Variants in ADCY7 observed in about 807,000 individuals in gnomAD.
ADCY7 encodes adenylate cyclase type 7.
ADCY7 carries 72 observed loss-of-function variants against 120.6 expected under a neutral mutation model. That is an observed-to-expected ratio of 0.60 (90% confidence interval 0.49 to 0.73). ADCY7 has a LOEUF of 0.73. Ranked by LOEUF, ADCY7 falls within the 30% of genes least tolerant of loss-of-function variation. The pLI is 0.00. For synonymous variants in ADCY7, 661 were observed against 628.0 expected (o/e 1.05, Z -0.78); for missense variants, 1,227 against 1,486.0 (o/e 0.83, Z 2.87).
At chr16:50,281,100 C>G (rs2034232787) in intron 1 of ADCY7, among the ~76,000 whole-genome samples, 1 of 152,178 alleles carries the variant, frequency 6.6e-6, no homozygotes, top group African/African-American at 2.4e-5. Context: ...CTGCACCTGC[C>G]TCTCCCTGGA....
chr16:50,313,083 G>A, intron 22 of ADCY7, 47 bp downstream of exon 22: 1 of 1,608,852 alleles, frequency 6.2e-7, no homozygotes, highest in African/African-American at 1.3e-5. Flanking sequence ...ACCCATGCTG[G>A]AGAGGGAAGG....
chr16:50,269,482 C>T (rs1040784318), intron 1 of ADCY7, among the ~76,000 whole-genome samples: 5 of 152,198 alleles, frequency 3.3e-5, no homozygotes, highest in East Asian at 1.9e-4. Flanking sequence ...GGGCCCACTG[C>T]GGGAGAGAAG....
rs1734048001 is a variant in ADCY7 at position 50,310,671 on chromosome 16, C to T, written c.2161-16C>T. ...GGTGGGGTGGCCCTGTCCTGAGTGA[C>T]ACCCTGCCCCCTCAGTACTACACCT... On this transcript the variant is annotated splice_polypyrimidine_tract_variant and intron_variant, in intron 18 of 25. Coordinates refer to ENST00000673801, the MANE Select transcript of ADCY7 (RefSeq NM_001114.5). 6.2e-7 allele frequency: 1 copy of T among 1,612,076 alleles called. No individual in the cohort carries two copies. The highest frequency in any genetic ancestry group is 1.3e-5 in the African/African-American group (1 of 74,968).
intron 1 of ADCY7, among the ~76,000 whole-genome samples, chr16:50,283,630 G>C (rs1469105019): frequency 6.6e-6 from 1 of 152,228 alleles, no homozygotes; most frequent in Non-Finnish European, 1.5e-5. Flanking sequence ...TCCCCACAGG[G>C]GAGTCCCCTC....
rs1445153282 is a variant in ADCY7 at position 50,308,761 on chromosome 16, G to T, written c.2030G>T (p.Gly677Val). ...LRLTLAVLTI[G>V]SLLTVAIINL... The stretch of plus-strand genomic sequence containing the variant: ...CTGACCCTGGCCGTCCTGACCATCG[G>T]CAGCCTGCTCACTGTGGCCATCATC... Residue 677 changes from glycine to valine, a missense_variant, in exon 17 of 26, where the codon GGC becomes GTC. Transcript: ENST00000673801. 6.2e-7 allele frequency: 1 copy of T among 1,612,322 alleles called. No individual in the cohort carries two copies. Among genetic ancestry groups the T allele is most frequent in the Non-Finnish European group, 8.5e-7 (1 of 1,179,756 alleles).
Position 50,288,062 on chromosome 16 carries a change from C to T in ADCY7, c.-118C>T. On this transcript the variant is annotated 5_prime_UTR_variant, in exon 2 of 26. Transcript: ENST00000673801. ...AGGCCCTCTCCCCAGCCCTGCTTGC[C>T]TGCCTCGGAGAGGACAGAGGCCTAG... 7.9e-7 allele frequency: 1 copy of T among 1,260,032 alleles called. No homozygotes were observed. The highest frequency in any genetic ancestry group is 1.1e-6 in the Non-Finnish European group (1 of 939,998). 78.1% of individuals were successfully genotyped at this position (1,260,032 alleles called of 1,614,324 possible).
In ADCY7 at chr16:50,312,301, C is replaced by T. The variant is rs1297285744; in HGVS notation, c.2604+110C>T. 6 of 1,257,048 alleles carry T rather than the reference C, an allele frequency of 4.8e-6. No individual in the cohort carries two copies. In the African/African-American group the frequency reaches 7.4e-5, roughly 15 times the overall value. 77.9% of individuals were successfully genotyped at this position (1,257,048 alleles called of 1,614,324 possible). ...CATGCTGAGCTTGGCTTCCTCAGGTCCTGGCCTCACCGGGATGCCCAGGCG... is the reference window on the plus strand; with the variant it reads ...CATGCTGAGCTTGGCTTCCTCAGGTTCTGGCCTCACCGGGATGCCCAGGCG... On this transcript the variant is annotated intron_variant, in intron 21 of 25. Coordinates refer to ENST00000673801, the MANE Select transcript of ADCY7 (RefSeq NM_001114.5).
intron 1 of ADCY7, among the ~76,000 whole-genome samples, chr16:50,287,148 T>C (rs2034631434): frequency 1.3e-5 from 2 of 151,926 alleles, no homozygotes; most frequent in Non-Finnish European, 2.9e-5. Context: ...CCCGAGTAGC[T>C]GGGATTACAG....
At chr16:50,275,993 C>A (rs755896541) in intron 1 of ADCY7, among the ~76,000 whole-genome samples, 1 of 152,234 alleles carries the variant, frequency 6.6e-6, no homozygotes, top group South Asian at 2.1e-4. Context: ...CCCGGCTGGG[C>A]TCAGAGGTCG....
chr16:50,273,884 T>G (rs1470581404), intron 1 of ADCY7, among the ~76,000 whole-genome samples: 2 of 152,110 alleles, frequency 1.3e-5, no homozygotes, highest in African/African-American at 4.8e-5. Context: ...TGGCTGGACG[T>G]GCAGCCAGGT....
intron 2 of ADCY7, among the ~76,000 whole-genome samples, chr16:50,288,559 C>T (rs1261862438): frequency 6.6e-6 from 1 of 152,184 alleles, no homozygotes; most frequent in Non-Finnish European, 1.5e-5. Flanking sequence ...CTCACTGCAA[C>T]CTCCATCTCC....
intron 1 of ADCY7, among the ~76,000 whole-genome samples, chr16:50,271,596 C>CA (rs2033577972): frequency 6.6e-6 from 1 of 152,176 alleles, no homozygotes; most frequent in Non-Finnish European, 1.5e-5. Context: ...GAGGCCCTCC[C>CA]AGACCGGGCC....
upstream of ADCY7, among the ~76,000 whole-genome samples, chr16:50,263,344 T>C (rs1006510271): frequency 6.6e-6 from 1 of 151,956 alleles, no homozygotes; most frequent in African/African-American, 2.4e-5. Context: ...TGGCTGCGGC[T>C]GCGGGGAGCA....
chr16:50,251,042 T>C (rs1341871901), intron 1 of ADCY7, among the ~76,000 whole-genome samples: 1 of 152,012 alleles, frequency 6.6e-6, no homozygotes. Context: ...TGAGACTAGC[T>C]TGAGCAACAT....
intron 2 of ADCY7, among the ~76,000 whole-genome samples, chr16:50,289,483 A>G (rs2034805394): frequency 6.6e-6 from 1 of 152,220 alleles, no homozygotes; most frequent in African/African-American, 2.4e-5. Flanking sequence ...CATTTTTCAA[A>G]AAAAAGAGTT....
At chr16:50,301,012 CTGTG>C in intron 9 of ADCY7, 66 bp from the exon 10 acceptor site, 1 of 1,575,872 alleles carries the variant, frequency 6.3e-7, no homozygotes, top group Non-Finnish European at 8.6e-7. Context: ...GGCCTGCCTG[CTGTG>C]CATCCCTGGG....
In ADCY7 at chr16:50,314,061, A is replaced by G; in HGVS notation, c.2855A>G (p.Gln952Arg). Residue 952 changes from glutamine (Q) to arginine (R), a missense_variant and splice_region_variant, in exon 23 of 26, where the codon CAG becomes CGG. Gln to Arg is a conservative substitution (Grantham distance 43). Around this residue, in one of 5 missense-constraint regions of ADCY7, gnomAD observed 244 missense variants for 332.8 expected, o/e 0.73. Coordinates refer to ENST00000673801, the MANE Select transcript of ADCY7 (RefSeq NM_001114.5). ...GLSVASGHENQELERQHAHIG... is the reference protein window; with the variant it reads ...GLSVASGHENRELERQHAHIG... ...AGCGTCGCCTCAGGGCACGAGAACC[A>G]GGTACTCAAGCCCAAGAGGTGAAAT... 1 of 1,613,400 alleles carries G rather than the reference A, an allele frequency of 6.2e-7. No homozygotes were observed. Among genetic ancestry groups the G allele is most frequent in the Non-Finnish European group, 8.5e-7 (1 of 1,179,420 alleles).
At chr16:50,283,899 G>A (rs1364236779) in intron 1 of ADCY7, among the ~76,000 whole-genome samples, 2 of 152,200 alleles carry the variant, frequency 1.3e-5, no homozygotes, top group East Asian at 1.9e-4. Flanking sequence ...CTGAGAGGTG[G>A]TGAGCCCCCC....
intron 1 of ADCY7, among the ~76,000 whole-genome samples, chr16:50,278,616 G>A (rs1442437141): frequency 1.3e-5 from 2 of 152,130 alleles, no homozygotes; most frequent in African/African-American, 4.8e-5. Flanking sequence ...TGGGTTTTGT[G>A]TCAGGATAAA....
Sources: allele counts gnomAD v4.1 joint callset (sites outside exome capture counted in the v4.1 genomes callset), GRCh38; gene constraint gnomAD v4.1.1; regional missense constraint gnomAD v4.1.1; transcripts MANE v1.5; gene names NCBI Gene and HGNC (gene_info 2026-07-23, HGNC 2026-07-21).